The following PGBD5 variants were observed in gnomAD, a reference collection of about 807,000 sequenced individuals.
PGBD5 encodes the protein piggyBac transposable element-derived protein 5.
In PGBD5, 14 loss-of-function variants were observed where a neutral mutation model predicts 47.9. The observed-to-expected ratio is 0.29, with a 90% confidence interval of 0.19 to 0.46. The LOEUF (loss-of-function observed/expected upper bound fraction) is 0.46, where lower values mean the gene tolerates loss of function less well. Ranked by LOEUF, PGBD5 falls within the 20% of genes least tolerant of loss-of-function variation. PGBD5 has a pLI of 1.00. For synonymous variants in PGBD5, 316 were observed against 306.3 expected, an observed-to-expected ratio of 1.03 and a Z score of -0.33; for missense variants, 635 against 716.0, an observed-to-expected ratio of 0.89 and a Z score of 1.29.
At chr1:230,356,802 G>C in intron 2 of PGBD5, 92 bp downstream of exon 2, 2 of 1,388,294 alleles carry the variant, frequency 1.4e-6, no homozygotes, top group South Asian at 2.8e-5. Flanking sequence ...AGGCAGGGCA[G>C]GAAGGACACC....
intron 1 of PGBD5, among the ~76,000 whole-genome samples, chr1:230,405,413 T>C (rs1657278018): frequency 6.6e-6 from 1 of 152,170 alleles, no homozygotes; most frequent in Non-Finnish European, 1.5e-5. Context: ...ACAGTAAATA[T>C]ATTTTCTCTT....
chr1:230,380,806 C>A (rs934803663), intron 1 of PGBD5, among the ~76,000 whole-genome samples: 1 of 152,206 alleles, frequency 6.6e-6, no homozygotes, highest in Non-Finnish European at 1.5e-5. Flanking sequence ...AGGGCTCTGT[C>A]CACCAAAAGG....
intron 3 of PGBD5, among the ~76,000 whole-genome samples, chr1:230,346,340 C>T (rs1266977102): frequency 6.6e-6 from 1 of 152,176 alleles, no homozygotes; most frequent in East Asian, 1.9e-4. Context: ...TGTGCTTAAC[C>T]TGACAAGGTA....
chr1:230,380,725 G>A (rs1656443135), intron 1 of PGBD5, among the ~76,000 whole-genome samples: 1 of 152,232 alleles, frequency 6.6e-6, no homozygotes, highest in South Asian at 2.1e-4. Context: ...ACCCACACCT[G>A]TACTCAAGAA....
Position 230,425,966 on chromosome 1 carries a change from C to A in PGBD5, c.-38G>T. 1.1e-6 allele frequency: 1 copy of A among 902,714 alleles called. No individual in the cohort carries two copies. The highest frequency in any genetic ancestry group is 1.3e-6 in the Non-Finnish European group (1 of 760,802). 55.9% of individuals were successfully genotyped at this position (902,714 alleles called of 1,614,324 possible). ...CGCCCGCGCGCCCGCCCCCACAGTG[C>A]CTCCCAGCCGCACACGCCGGGCCCT... On this transcript the variant is annotated 5_prime_UTR_variant, in exon 1 of 7. Coordinates refer to ENST00000391860, the MANE Select transcript of PGBD5 (RefSeq NM_001258311.2). This position sits in a 1 kb window ranked among gnomAD's most constrained non-coding sequence, Gnocchi z 4.7.
rs114330322 is a variant in PGBD5 at position 230,422,796 on chromosome 1, C to A, written c.331+2802G>T. 3.1e-3 allele frequency among the ~76,000 whole-genome samples: 467 copies of A among 152,202 alleles called. 1 individual carries two copies. The highest frequency in any genetic ancestry group is 0.011 in the African/African-American group (444 of 41,514). Reference sequence around the variant, plus strand: ...CCTGAAGAATGGCGAGGATTTCCCACCTTAACTACAGAAATGTTGCTTTTA... The same window carrying A: ...CCTGAAGAATGGCGAGGATTTCCCAACTTAACTACAGAAATGTTGCTTTTA... On this transcript the variant is annotated intron_variant, in intron 1 of 6. Transcript: ENST00000391860.
chr1:230,377,904 C>T (rs1178001219), intron 1 of PGBD5, among the ~76,000 whole-genome samples: 1 of 152,102 alleles, frequency 6.6e-6, no homozygotes, highest in Non-Finnish European at 1.5e-5. Context: ...CCAGTGAGGC[C>T]AAATAAGAAT....
intron 1 of PGBD5, among the ~76,000 whole-genome samples, chr1:230,396,961 T>C (rs983847056): frequency 1.3e-5 from 2 of 152,202 alleles, no homozygotes; most frequent in Non-Finnish European, 1.5e-5. Context: ...CCCACACCTA[T>C]GGCCCTTTCC....
chr1:230,418,895 C>T (rs1657585553), intron 1 of PGBD5, among the ~76,000 whole-genome samples: 1 of 152,216 alleles, frequency 6.6e-6, no homozygotes, highest in Non-Finnish European at 1.5e-5. Flanking sequence ...TCTATGTGTG[C>T]TATGACACAC....
intron 1 of PGBD5, among the ~76,000 whole-genome samples, chr1:230,403,317 A>G (rs2102743149): frequency 1.3e-5 from 2 of 152,270 alleles, no homozygotes; most frequent in East Asian, 3.9e-4. Flanking sequence ...GTCAATGTTT[A>G]CTCTTTTCCT....
chr1:230,389,088 A>G (rs1558208092), intron 1 of PGBD5, among the ~76,000 whole-genome samples: 2 of 152,304 alleles, frequency 1.3e-5, no homozygotes, highest in East Asian at 1.9e-4. Context: ...GCCCTCCCCA[A>G]CTGACCATTT....
intron 1 of PGBD5, among the ~76,000 whole-genome samples, chr1:230,403,348 A>G (rs887953380): frequency 6.6e-6 from 1 of 152,250 alleles, no homozygotes; most frequent in African/African-American, 2.4e-5. Flanking sequence ...CCTTTCAGGT[A>G]TCTGAGTGAA....
At chr1:230,350,829 G>T in intron 3 of PGBD5, 129 bp downstream of exon 3, 1 of 1,337,000 alleles carries the variant, frequency 7.5e-7, no homozygotes, top group Non-Finnish European at 1.0e-6. Flanking sequence ...AGGAGCATCT[G>T]GGTGGACTTG....
intron 1 of PGBD5, among the ~76,000 whole-genome samples, chr1:230,400,126 C>T (rs973153115): frequency 1.3e-5 from 2 of 152,208 alleles, no homozygotes; most frequent in Non-Finnish European, 2.9e-5. Flanking sequence ...GCTCTCTGAC[C>T]GCCTTCCTCC....
Position 230,425,664 on chromosome 1 carries a change from C to G in PGBD5, c.265G>C (p.Glu89Gln). 1 of 1,219,288 alleles carries G rather than the reference C, an allele frequency of 8.2e-7. No individual in the cohort carries two copies. The highest frequency in any genetic ancestry group is 1.0e-6 in the Non-Finnish European group (1 of 979,944). 75.5% of individuals were successfully genotyped at this position (1,219,288 alleles called of 1,614,324 possible). A position where few individuals can be genotyped will look rare whatever the true frequency, so the allele number is the denominator to read the frequency against. ...GCTGCGCTCCAGCCCGCGCCGGCCT[C>G]GTCCTCCTCCGGCTCCTGTGCGTCC... Reference protein sequence around the residue: ...APDAQEPEEDEAGAGWSAALR... With the variant: ...APDAQEPEEDQAGAGWSAALR... Residue 89 changes from glutamate (E) to glutamine (Q), a missense_variant, in exon 1 of 7, where the codon GAG becomes CAG. By Grantham distance (29) the Glu-to-Gln change is conservative. Transcript: ENST00000391860. This position sits in a 1 kb window ranked among gnomAD's most constrained non-coding sequence, Gnocchi z 4.7.
Position 230,315,705 on chromosome 1 carries a change from C to T in PGBD5, c.*7720G>A, listed in dbSNP as rs986498073. The T allele has an allele frequency of 6.6e-6, 1 of 150,692 alleles. No individual in the cohort carries two copies. The highest frequency in any genetic ancestry group is 2.4e-5 in the African/African-American group (1 of 40,870). 9.3% of individuals were successfully genotyped at this position (150,692 alleles called of 1,614,324 possible). A position where few individuals can be genotyped will look rare whatever the true frequency, so the allele number is the denominator to read the frequency against. On this transcript the variant is annotated 3_prime_UTR_variant, in exon 7 of 7. Transcript: ENST00000391860. The stretch of plus-strand genomic sequence containing the variant: ...GTGTGTGTATATTTACACACACATA[C>T]ACACAAGATAGATATATATATTAAG...
At position 230,326,483 on chromosome 1, in the gene PGBD5, AG is replaced by A. The variant is rs1194351873; in HGVS notation, c.1274-1069del. On this transcript the variant is annotated intron_variant, in intron 5 of 6. Transcript: ENST00000391860. The stretch of plus-strand genomic sequence containing the variant: ...TATTATCATTATTTTTTTAGATATG[AG>A]GTCTTGCTCTGTCACTCAGGCTGAA... 5.9e-5 allele frequency among the ~76,000 whole-genome samples: 9 copies of A among 152,298 alleles called. No homozygotes were observed. The East Asian group carries it at 1.7e-3, about 29-fold the overall frequency.
chr1:230,332,734 C>T lies in PGBD5; in HGVS notation c.1273+110G>A, dbSNP rs543558049. On this transcript the variant is annotated intron_variant, in intron 5 of 6. Transcript: ENST00000391860. Reference sequence around the variant, plus strand: ...GGGAATAACCGAGGGTAGTCTGACCCCAGAGCAGCACAGCCCACAGTGGAC... The same window carrying T: ...GGGAATAACCGAGGGTAGTCTGACCTCAGAGCAGCACAGCCCACAGTGGAC... The T allele has an allele frequency of 1.4e-5, 18 of 1,304,924 alleles. No homozygotes were observed. The African/African-American group carries it at 2.2e-4, about 16-fold the overall frequency. 80.8% of individuals were successfully genotyped at this position (1,304,924 alleles called of 1,614,324 possible).
At chr1:230,326,351 G>T (rs576712083) in intron 5 of PGBD5, among the ~76,000 whole-genome samples, 1 of 152,244 alleles carries the variant, frequency 6.6e-6, no homozygotes, top group Non-Finnish European at 1.5e-5. Flanking sequence ...CTGGGAGGCC[G>T]AGGTTGCGGT....
Sources: allele counts gnomAD v4.1 joint callset (sites outside exome capture counted in the v4.1 genomes callset), GRCh38; gene constraint gnomAD v4.1.1; non-coding constraint Gnocchi (gnomAD v3.1); transcripts MANE v1.5; gene names NCBI Gene and HGNC (gene_info 2026-07-23, HGNC 2026-07-21).